Variants in MB21D2 observed in about 807,000 individuals in gnomAD.
MB21D2 encodes the protein Mab-21 domain containing 2.
MB21D2 carries 9 observed loss-of-function variants against 33.3 expected under a neutral mutation model. That is an observed-to-expected ratio of 0.27 (90% confidence interval 0.16 to 0.47). MB21D2 has a LOEUF of 0.47. MB21D2 is among the 20% of genes least tolerant of loss of function. The pLI is 0.99. For synonymous variants in MB21D2, 241 were observed against 236.3 expected (o/e 1.02, Z -0.18); for missense variants, 540 against 624.6 (o/e 0.86, Z 1.44).
At chr3:192,816,624 C>A (rs954497368) in intron 1 of MB21D2, among the ~76,000 whole-genome samples, 1 of 152,126 alleles carries the variant, frequency 6.6e-6, no homozygotes, top group African/African-American at 2.4e-5. Context: ...ATTTCAAATG[C>A]CCACATGCTG....
At chr3:192,877,456 C>CT (rs1713456184) in intron 1 of MB21D2, among the ~76,000 whole-genome samples, 1 of 152,132 alleles carries the variant, frequency 6.6e-6, no homozygotes, top group Non-Finnish European at 1.5e-5. Flanking sequence ...CATGCGTATC[C>CT]TTTAACAATA....
intron 1 of MB21D2, among the ~76,000 whole-genome samples, chr3:192,815,091 A>G (rs1487041005): frequency 2.6e-5 from 4 of 152,192 alleles, no homozygotes; most frequent in Non-Finnish European, 4.4e-5. Context: ...ATTTCATAGT[A>G]TTAAAGGATG....
chr3:192,823,469 C>A (rs1712101910), intron 1 of MB21D2, among the ~76,000 whole-genome samples: 1 of 152,098 alleles, frequency 6.6e-6, no homozygotes, highest in African/African-American at 2.4e-5. Context: ...GCCTGACCAA[C>A]ACGGAGAAAC....
intron 1 of MB21D2, among the ~76,000 whole-genome samples, chr3:192,834,160 C>A (rs1712380802): frequency 1.3e-5 from 2 of 151,872 alleles, no homozygotes; most frequent in South Asian, 2.1e-4. Flanking sequence ...TGACTCAAAT[C>A]CAGTTATGAG....
At chr3:192,860,567 C>T (rs1713020292) in intron 1 of MB21D2, among the ~76,000 whole-genome samples, 1 of 152,148 alleles carries the variant, frequency 6.6e-6, no homozygotes, top group Non-Finnish European at 1.5e-5. Flanking sequence ...AAATATAGTC[C>T]ACATTGCAAA....
intron 1 of MB21D2, among the ~76,000 whole-genome samples, chr3:192,804,359 C>CAA (rs10642568): frequency 6.6e-6 from 1 of 151,988 alleles, no homozygotes; most frequent in African/African-American, 2.4e-5. Flanking sequence ...TGTGAAAACT[C>CAA]AGAGAGTTCA....
At position 192,798,154 on chromosome 3, in the gene MB21D2, T is replaced by C. The variant is rs187670762; in HGVS notation, c.*232A>G. The C allele has an allele frequency of 1.5e-4, 70 of 468,680 alleles. No homozygotes were observed. Among genetic ancestry groups the C allele is most frequent in the African/African-American group, 1.1e-3 (55 of 51,674 alleles). The allele number at this position is 468,680 out of a possible 1,614,324, so 29.0% of individuals were successfully genotyped here. A position where few individuals can be genotyped will look rare whatever the true frequency, so the allele number is the denominator to read the frequency against. ...AAAAAGAAAAAAAACTCCAACAAAC[T>C]AAAGAGCATGACAATAACTACAAAA... On this transcript the variant is annotated 3_prime_UTR_variant, in exon 2 of 2. Coordinates refer to ENST00000392452, the MANE Select transcript of MB21D2 (RefSeq NM_178496.4). This position sits in a 1 kb window ranked among gnomAD's most constrained non-coding sequence, Gnocchi z 4.8.
rs140838683 is a variant in MB21D2, at chr3:192,834,802, G to A, written c.212-35152C>T. Among the ~76,000 whole-genome samples, 254 of 145,740 alleles carry A rather than the reference G, an allele frequency of 1.7e-3. 2 individuals are homozygous for A. Among genetic ancestry groups the A allele is most frequent in the African/African-American group, 6.4e-3 (245 of 38,044 alleles). The stretch of plus-strand genomic sequence containing the variant: ...TACCACAGGTACAGATGTTTGAGAG[G>A]ATTGTTCTTTTTTTTTTTTTTTTTT... On this transcript the variant is annotated intron_variant, in intron 1 of 1. Coordinates refer to ENST00000392452, the MANE Select transcript of MB21D2 (RefSeq NM_178496.4).
intron 1 of MB21D2, among the ~76,000 whole-genome samples, chr3:192,905,746 T>C (rs952532553): frequency 2.0e-5 from 3 of 150,194 alleles, no homozygotes; most frequent in African/African-American, 7.4e-5. Flanking sequence ...GGTGGGAAAA[T>C]TGCTTCAGCC....
chr3:192,910,562 G>C (rs1435006689), intron 1 of MB21D2, among the ~76,000 whole-genome samples: 1 of 152,132 alleles, frequency 6.6e-6, no homozygotes, highest in Non-Finnish European at 1.5e-5. Flanking sequence ...AATGAAAGAA[G>C]CTAGGAAAAC....
At chr3:192,802,683 A>G (rs967471946) in intron 1 of MB21D2, among the ~76,000 whole-genome samples, 1 of 152,202 alleles carries the variant, frequency 6.6e-6, no homozygotes, top group Non-Finnish European at 1.5e-5. Context: ...GATTTCTCAG[A>G]TTCCAGATTA....
chr3:192,913,304 G>T (rs777277099), intron 1 of MB21D2, among the ~76,000 whole-genome samples: 87 of 152,116 alleles, frequency 5.7e-4, no homozygotes, highest in Non-Finnish European at 3.4e-4. Flanking sequence ...GGCTGGGGTG[G>T]GAGGATCACT....
chr3:192,819,538 C>CCT (rs1250322875), intron 1 of MB21D2, among the ~76,000 whole-genome samples: 1 of 152,150 alleles, frequency 6.6e-6, no homozygotes, highest in Non-Finnish European at 1.5e-5. Flanking sequence ...TATTGGGCTT[C>CCT]CTCTTATGCT....
intron 1 of MB21D2, among the ~76,000 whole-genome samples, chr3:192,803,237 C>T (rs1027802331): frequency 6.6e-6 from 1 of 152,206 alleles, no homozygotes; most frequent in Non-Finnish European, 1.5e-5. Flanking sequence ...ATAAAAGGTT[C>T]TCTTTCCTCT....
At chr3:192,828,591 CATATATATAT>C (rs58394740) in intron 1 of MB21D2, among the ~76,000 whole-genome samples, 8 of 54,118 alleles carry the variant, frequency 1.5e-4, no homozygotes, top group Non-Finnish European at 2.3e-4. Context: ...TCACCCCCCC[CATATATATAT>C]ATATATATAT....
chr3:192,888,741 A>G (rs1713786556), intron 1 of MB21D2, among the ~76,000 whole-genome samples: 1 of 128,430 alleles, frequency 7.8e-6, no homozygotes, highest in Non-Finnish European at 1.7e-5. Flanking sequence ...TTCTGTCACT[A>G]AGGTATTTTA....
chr3:192,878,192 C>CG (rs1380550129), intron 1 of MB21D2, among the ~76,000 whole-genome samples: 2 of 147,536 alleles, frequency 1.4e-5, no homozygotes, highest in Non-Finnish European at 2.9e-5. Flanking sequence ...CTCCGCCTCG[C>CG]GGGTTCACGC....
In MB21D2 at chr3:192,805,105, A is replaced by G. The variant is rs528474034; in HGVS notation, c.212-5455T>C. On this transcript the variant is annotated intron_variant, in intron 1 of 1. Coordinates refer to ENST00000392452, the MANE Select transcript of MB21D2 (RefSeq NM_178496.4). ...ATTTGCGCAAAGACCAGAATAACACATATGTCCTGATCTCCCCATGACAAT... is the reference window on the plus strand; with the variant it reads ...ATTTGCGCAAAGACCAGAATAACACGTATGTCCTGATCTCCCCATGACAAT... 2.0e-3 allele frequency among the ~76,000 whole-genome samples: 304 copies of G among 152,336 alleles called. 2 individuals carry two copies. In the South Asian group the frequency reaches 0.022, roughly 11 times the overall value.
intron 1 of MB21D2, among the ~76,000 whole-genome samples, chr3:192,886,966 C>T (rs940889639): frequency 6.6e-6 from 1 of 151,192 alleles, no homozygotes; most frequent in African/African-American, 2.5e-5. Flanking sequence ...ATTTAAAATC[C>T]TGTCAAGCTG....
Sources: allele counts gnomAD v4.1 joint callset (sites outside exome capture counted in the v4.1 genomes callset), GRCh38; gene constraint gnomAD v4.1.1; non-coding constraint Gnocchi (gnomAD v3.1); transcripts MANE v1.5; gene names NCBI Gene and HGNC (gene_info 2026-07-23, HGNC 2026-07-21).